The following CACNA2D1 variants were observed in gnomAD, a reference collection of about 807,000 sequenced individuals.
The protein encoded by CACNA2D1 is calcium voltage-gated channel auxiliary subunit alpha2delta 1, also known as voltage-dependent calcium channel subunit alpha-2/delta-1.
In CACNA2D1, 53 loss-of-function variants were observed where a neutral mutation model predicts 171.5. That is an observed-to-expected ratio of 0.31 (90% CI 0.25 to 0.39). The LOEUF (loss-of-function observed/expected upper bound fraction) is 0.39, where lower values mean the gene tolerates loss of function less well. CACNA2D1 is among the 10% of genes least tolerant of loss of function. The pLI, the probability that CACNA2D1 is intolerant of heterozygous loss-of-function variation, is 1.00. For synonymous variants in CACNA2D1, 442 were observed against 443.1 expected, an observed-to-expected ratio of 1.00 and a Z score of 0.03; for missense variants, 903 against 1,299.8, an observed-to-expected ratio of 0.69 and a Z score of 4.69.
intron 3 of CACNA2D1, among the ~76,000 whole-genome samples, chr7:82,312,964 T>A (rs1351903256): frequency 6.6e-6 from 1 of 152,186 alleles, no homozygotes; most frequent in African/African-American, 2.4e-5. Context: ...GTTTTTCTTG[T>A]TTCCATAGAA....
chr7:82,363,177 A>AAATAGTC (rs1821270939), intron 1 of CACNA2D1, among the ~76,000 whole-genome samples: 1 of 151,822 alleles, frequency 6.6e-6, no homozygotes, highest in Non-Finnish European at 1.5e-5. Context: ...AGAACACATA[A>AAATAGTC]AATAGTCTCT....
intron 27 of CACNA2D1, among the ~76,000 whole-genome samples, 169 bp downstream of exon 27, chr7:81,970,506 T>A (rs1795157872): frequency 6.6e-6 from 1 of 151,592 alleles, no homozygotes; most frequent in Non-Finnish European, 1.5e-5. Context: ...AATGTCATTT[T>A]TCAGAGAAAT....
chr7:82,240,961 C>T (rs1032631080), intron 3 of CACNA2D1, among the ~76,000 whole-genome samples: 1 of 147,242 alleles, frequency 6.8e-6, no homozygotes, highest in African/African-American at 2.5e-5. Context: ...AGCAAGACTC[C>T]ATCTCAAAAA....
At chr7:82,110,174 C>G (rs1026753475) in intron 6 of CACNA2D1, among the ~76,000 whole-genome samples, 1 of 152,192 alleles carries the variant, frequency 6.6e-6, no homozygotes, top group Non-Finnish European at 1.5e-5. Context: ...CAGAAAACAT[C>G]CCGCAGCTTT....
At chr7:82,254,572 A>G (rs2129320890) in intron 3 of CACNA2D1, among the ~76,000 whole-genome samples, 1 of 152,242 alleles carries the variant, frequency 6.6e-6, no homozygotes, top group East Asian at 1.9e-4. Context: ...CTAATTCTTA[A>G]GCGTCGTTTT....
At chr7:81,988,182 CCT>C (rs1797168978) in intron 21 of CACNA2D1, among the ~76,000 whole-genome samples, 1 of 152,064 alleles carries the variant, frequency 6.6e-6, no homozygotes, top group Non-Finnish European at 1.5e-5. Flanking sequence ...CATACGATGC[CCT>C]GATACTTTGT....
chr7:82,072,269 T>C (rs1286868233), intron 7 of CACNA2D1, among the ~76,000 whole-genome samples: 1 of 152,082 alleles, frequency 6.6e-6, no homozygotes, highest in African/African-American at 2.4e-5. Flanking sequence ...CTTGAGGTGA[T>C]GAATACCCCA....
At chr7:81,980,197 A>G (rs986376550) in intron 24 of CACNA2D1, among the ~76,000 whole-genome samples, 11 of 148,894 alleles carry the variant, frequency 7.4e-5, no homozygotes, top group African/African-American at 1.5e-4. Context: ...AAAAAAAAAA[A>G]AAAGAAAGTG....
intron 4 of CACNA2D1, among the ~76,000 whole-genome samples, chr7:82,154,183 G>C (rs1358410683): frequency 6.6e-6 from 1 of 152,142 alleles, no homozygotes; most frequent in Non-Finnish European, 1.5e-5. Flanking sequence ...ACGTCTGTGT[G>C]TCTCACCCTG....
intron 3 of CACNA2D1, among the ~76,000 whole-genome samples, chr7:82,221,337 C>T (rs1053757753): frequency 2.6e-5 from 4 of 152,096 alleles, no homozygotes; most frequent in African/African-American, 7.2e-5. Flanking sequence ...TTGCATTATA[C>T]ACATATCAAA....
intron 8 of CACNA2D1, among the ~76,000 whole-genome samples, chr7:82,064,837 T>C (rs532852026): frequency 6.6e-6 from 1 of 152,312 alleles, no homozygotes; most frequent in East Asian, 1.9e-4. Context: ...CAATATGTGA[T>C]GTTATTACCA....
intron 3 of CACNA2D1, among the ~76,000 whole-genome samples, chr7:82,198,035 G>C (rs147097653): frequency 6.6e-6 from 1 of 152,162 alleles, no homozygotes. Context: ...AGGAATCCCA[G>C]TCCCTGACTT....
intron 1 of CACNA2D1, among the ~76,000 whole-genome samples, chr7:82,366,736 T>G (rs1325926697): frequency 6.6e-6 from 1 of 152,042 alleles, no homozygotes; most frequent in East Asian, 1.9e-4. Flanking sequence ...GGTATATATA[T>G]CCAGTAATGG....
chr7:82,390,218 C>T (rs1296907042), intron 1 of CACNA2D1, among the ~76,000 whole-genome samples: 1 of 152,120 alleles, frequency 6.6e-6, no homozygotes, highest in Non-Finnish European at 1.5e-5. Flanking sequence ...CTTAACCTTC[C>T]TCTAACAGAA....
intron 24 of CACNA2D1, among the ~76,000 whole-genome samples, chr7:81,981,836 A>G (rs968256486): frequency 5.9e-5 from 9 of 152,126 alleles, no homozygotes; most frequent in African/African-American, 2.2e-4. Context: ...GAAAGAAATG[A>G]GGTGCATCTA....
At chr7:82,129,099 G>T (rs1034256648) in intron 5 of CACNA2D1, among the ~76,000 whole-genome samples, 1 of 152,106 alleles carries the variant, frequency 6.6e-6, no homozygotes, top group African/African-American at 2.4e-5. Flanking sequence ...TCAGCCACTT[G>T]TTTTCAAATT....
chr7:82,396,413 A>T (rs1264041188), intron 1 of CACNA2D1, among the ~76,000 whole-genome samples: 2 of 152,194 alleles, frequency 1.3e-5, no homozygotes, highest in East Asian at 3.8e-4. Context: ...TCCAGATATA[A>T]TCATATAGTT....
At chr7:82,085,120 G>A (rs1210627117) in intron 6 of CACNA2D1, among the ~76,000 whole-genome samples, 7 of 152,116 alleles carry the variant, frequency 4.6e-5, no homozygotes, top group Non-Finnish European at 8.8e-5. Context: ...TTTTTCAAGA[G>A]GTTTATACTC....
intron 1 of CACNA2D1, among the ~76,000 whole-genome samples, chr7:82,369,514 A>G (rs79484766): frequency 0.011 from 1,621 of 152,124 alleles, 35 homozygotes; most frequent in African/African-American, 0.037. Context: ...TTCTGAATGT[A>G]AAATTAATGT....
Sources: gnomAD v4.1 joint callset for allele counts (sites outside exome capture counted in the v4.1 genomes callset) on GRCh38, gnomAD v4.1.1 for gene constraint, MANE v1.5 for transcripts, NCBI Gene and HGNC (gene_info 2026-07-23, HGNC 2026-07-21) for gene names.